Variants in TAFA2 observed in about 807,000 individuals in gnomAD.
The protein encoded by TAFA2 is chemokine-like protein TAFA-2.
A neutral mutation model predicts 18.8 loss-of-function variants in TAFA2; 7 were observed. The ratio of observed to expected loss-of-function variants is 0.37; its 90% CI spans 0.21 to 0.70. The LOEUF (loss-of-function observed/expected upper bound fraction) is 0.70. Among genes scored for constraint, TAFA2 ranks in the 30% least tolerant of loss-of-function variants. TAFA2 has a pLI of 0.53. For synonymous variants in TAFA2, 60 were observed against 54.2 expected (o/e 1.11, Z -0.47); for missense variants, 122 against 158.1 (o/e 0.77, Z 1.23).
intron 1 of TAFA2, among the ~76,000 whole-genome samples, chr12:62,145,906 C>G (rs1158092578): frequency 1.3e-5 from 2 of 152,210 alleles, no homozygotes; most frequent in Non-Finnish European, 2.9e-5. Context: ...GCGATACCCC[C>G]TTGGGTAGGA....
intron 2 of TAFA2, among the ~76,000 whole-genome samples, chr12:61,856,085 C>T (rs1327939303): frequency 6.6e-6 from 1 of 151,864 alleles, no homozygotes; most frequent in Admixed American, 6.6e-5. Context: ...GATAGATATG[C>T]ATGTTTATTT....
At chr12:62,207,614 C>T (rs1222527617) in intron 1 of TAFA2, among the ~76,000 whole-genome samples, 1 of 152,154 alleles carries the variant, frequency 6.6e-6, no homozygotes, top group East Asian at 1.9e-4. Flanking sequence ...TAGCACTAAA[C>T]CTCATTTTAG....
At position 61,783,768 on chromosome 12, in the gene TAFA2, T is replaced by A. The variant is rs139292273; in HGVS notation, c.107-28744A>T. On this transcript the variant is annotated intron_variant, in intron 2 of 4. Transcript: ENST00000416284. ...CATCCTAAGAAAAAATCAACAACTCTACTGCAAACTATAGAAGTCAGTGTC... is the reference window on the plus strand; with the variant it reads ...CATCCTAAGAAAAAATCAACAACTCAACTGCAAACTATAGAAGTCAGTGTC... Among the ~76,000 whole-genome samples the A allele has an allele frequency of 2.2e-3, 329 of 151,732 alleles. 1 individual carries two copies. The highest frequency in any genetic ancestry group is 7.0e-3 in the African/African-American group (292 of 41,486).
intron 1 of TAFA2, among the ~76,000 whole-genome samples, chr12:62,199,012 A>G (rs2062660512): frequency 6.6e-6 from 1 of 152,112 alleles, no homozygotes; most frequent in Non-Finnish European, 1.5e-5. Context: ...TAAAGAAGAA[A>G]CATTTATTTA....
chr12:62,033,161 G>A (rs1166104675), intron 1 of TAFA2, among the ~76,000 whole-genome samples: 1 of 152,096 alleles, frequency 6.6e-6, no homozygotes, highest in Non-Finnish European at 1.5e-5. Flanking sequence ...TCAAAGGCTG[G>A]AATTATTGTG....
intron 1 of TAFA2, among the ~76,000 whole-genome samples, chr12:62,129,551 C>T (rs1341878511): frequency 6.6e-6 from 1 of 152,014 alleles, no homozygotes; most frequent in African/African-American, 2.4e-5. Flanking sequence ...CACTGAAGCA[C>T]TGTAAGATGC....
intron 2 of TAFA2, among the ~76,000 whole-genome samples, chr12:61,785,797 G>A (rs940969188): frequency 6.6e-6 from 1 of 151,504 alleles, no homozygotes; most frequent in African/African-American, 2.4e-5. Flanking sequence ...ATCAGCTAAT[G>A]ACACATTTCT....
chr12:61,982,397 C>A (rs138945797), intron 1 of TAFA2, among the ~76,000 whole-genome samples: 287 of 152,104 alleles, frequency 1.9e-3, no homozygotes, highest in Non-Finnish European at 3.1e-3. Flanking sequence ...ATGTATCAAA[C>A]CTGCACGTTG....
chr12:61,808,475 C>T (rs1302550062), intron 2 of TAFA2, among the ~76,000 whole-genome samples: 1 of 151,368 alleles, frequency 6.6e-6, no homozygotes, highest in African/African-American at 2.5e-5. Context: ...GGTACATCCC[C>T]CACCTCATAG....
intron 1 of TAFA2, among the ~76,000 whole-genome samples, chr12:62,013,542 A>G (rs1195969169): frequency 6.6e-6 from 1 of 152,184 alleles, no homozygotes; most frequent in Non-Finnish European, 1.5e-5. Flanking sequence ...CACTACACAC[A>G]TCATCATCAC....
intron 1 of TAFA2, among the ~76,000 whole-genome samples, chr12:62,067,824 T>TATCC (rs1882529911): frequency 6.6e-6 from 1 of 152,086 alleles, no homozygotes; most frequent in Non-Finnish European, 1.5e-5. Context: ...GACTTTTAAA[T>TATCC]ATCCAGATAT....
intron 2 of TAFA2, among the ~76,000 whole-genome samples, chr12:61,819,213 T>C (rs188778005): frequency 6.6e-6 from 1 of 152,282 alleles, no homozygotes; most frequent in Admixed American, 6.5e-5. Flanking sequence ...ACAGAGAAGG[T>C]AGCATTGATA....
chr12:61,938,234 A>AAAT (rs2121412204), intron 1 of TAFA2, among the ~76,000 whole-genome samples: 1 of 146,666 alleles, frequency 6.8e-6, no homozygotes, highest in African/African-American at 2.7e-5. Context: ...ATATGGTAAA[A>AAAT]AAAAAAAAAA....
chr12:62,018,878 T>C (rs1481963821), intron 1 of TAFA2, among the ~76,000 whole-genome samples: 2 of 152,132 alleles, frequency 1.3e-5, no homozygotes, highest in Non-Finnish European at 2.9e-5. Context: ...ACCATCAGAA[T>C]GAACAGGCAA....
intron 1 of TAFA2, among the ~76,000 whole-genome samples, chr12:61,972,950 G>A (rs1162267909): frequency 6.6e-6 from 1 of 151,564 alleles, no homozygotes; most frequent in Non-Finnish European, 1.5e-5. Flanking sequence ...CTTTAGAAAC[G>A]ATTTTCCCAC....
intron 1 of TAFA2, among the ~76,000 whole-genome samples, chr12:62,082,954 A>T (rs577210311): frequency 6.6e-6 from 1 of 152,096 alleles, no homozygotes; most frequent in Non-Finnish European, 1.5e-5. Flanking sequence ...TCCCTTTGAG[A>T]GTAGGTGCTA....
rs561143651 is a variant in TAFA2, at chr12:62,032,508, G to C, written c.-2+158751C>G. Among the ~76,000 whole-genome samples the C allele has an allele frequency of 2.6e-5, 4 of 152,172 alleles. No homozygotes were observed. In the South Asian group the frequency reaches 8.3e-4, roughly 32 times the overall value. ...AATTGTAACTATAATAATAATGTTGGTATTATTCCTACTCAGACTAGTATG... is the reference window on the plus strand; with the variant it reads ...AATTGTAACTATAATAATAATGTTGCTATTATTCCTACTCAGACTAGTATG... On this transcript the variant is annotated intron_variant, in intron 1 of 4. Transcript: ENST00000416284.
chr12:61,843,497 T>TG (rs1473899401), intron 2 of TAFA2, among the ~76,000 whole-genome samples: 7 of 152,094 alleles, frequency 4.6e-5, no homozygotes. Flanking sequence ...CAGAGTAAGT[T>TG]TTCAAAGGGT....
chr12:62,251,646 G>C (rs1273863970), intron 1 of TAFA2, among the ~76,000 whole-genome samples: 1 of 152,104 alleles, frequency 6.6e-6, no homozygotes, highest in African/African-American at 2.4e-5. Flanking sequence ...AAAGAAAGTG[G>C]GCTGTAATTA....
Sources: gnomAD v4.1 joint callset for allele counts (sites outside exome capture counted in the v4.1 genomes callset) on GRCh38, gnomAD v4.1.1 for gene constraint, MANE v1.5 for transcripts, NCBI Gene and HGNC (gene_info 2026-07-23, HGNC 2026-07-21) for gene names.